The following MMP17 variants were observed in gnomAD, a reference collection of about 807,000 sequenced individuals.
MMP17 encodes matrix metallopeptidase 17, also known as matrix metalloproteinase-17.
A neutral mutation model predicts 49.1 loss-of-function variants in MMP17; 54 were observed. The observed-to-expected ratio is 1.10, with a 90% CI of 0.88 to 1.38. The LOEUF is 1.38. MMP17 is among the 40% of genes most tolerant of loss of function. MMP17 has a pLI of 0.00. For synonymous variants in MMP17, 397 were observed against 383.1 expected (o/e 1.04, Z -0.42); for missense variants, 837 against 853.7 (o/e 0.98, Z 0.24).
At position 131,838,203 on chromosome 12, in the gene MMP17, A is replaced by T. The variant is rs114611549; in HGVS notation, c.168A>T (p.Leu56=). 150 of 1,612,764 alleles carry T rather than the reference A, an allele frequency of 9.3e-5. No individual in the cohort carries two copies. In the African/African-American group the frequency reaches 1.8e-3, roughly 19 times the overall value. The change falls in exon 2 of 10, where the codon CTA becomes CTT. Residue 56 remains leucine, a synonymous_variant. Coordinates refer to ENST00000360564, the MANE Select transcript of MMP17 (RefSeq NM_016155.7). ...AEDLSLGVEW[L]SRFGYLPPAD... is the part of the protein sequence containing the mutation. ...CTGCTCTCTGCCCTCAGGAGTGGCT[A>T]AGCAGGTTCGGTTACCTGCCCCCGG...
At chr12:131,834,855 C>T (rs942380499) in intron 1 of MMP17, among the ~76,000 whole-genome samples, 3 of 152,178 alleles carry the variant, frequency 2.0e-5, no homozygotes, top group African/African-American at 7.2e-5. Flanking sequence ...CCTGAGCTGC[C>T]TGGTGAGCTG....
intron 1 of MMP17, among the ~76,000 whole-genome samples, chr12:131,831,324 C>T (rs1886782678): frequency 6.6e-6 from 1 of 152,154 alleles, no homozygotes; most frequent in African/African-American, 2.4e-5. Context: ...ACAGTGGCAG[C>T]TCCCTTGATC....
rs1207201332 is a variant in MMP17, at chr12:131,851,182, C to T, written c.1720C>T (p.Pro574Ser). Residue 574 changes from proline to serine, a missense_variant, in exon 10 of 10, where the codon CCA becomes TCA. Transcript: ENST00000360564. ...TSGASSPPGA[P>S]GPLVAATMLL... ...TGGGGCATCCTCTCCCCCGGGGGCC[C>T]CAGGCCCACTGGTGGCTGCCACCAT... The T allele has an allele frequency of 2.7e-6, 4 of 1,470,868 alleles. No homozygotes were observed. The highest frequency in any genetic ancestry group is 3.6e-6 in the Non-Finnish European group (4 of 1,108,438). 91.1% of individuals were successfully genotyped at this position (1,470,868 alleles called of 1,614,324 possible). A position where few individuals can be genotyped will look rare whatever the true frequency, so the allele number is the denominator to read the frequency against.
Position 131,849,783 on chromosome 12 carries a change from C to T in MMP17, c.1205-19C>T. 1.2e-6 allele frequency: 2 copies of T among 1,602,056 alleles called. No individual in the cohort carries two copies. Among genetic ancestry groups the T allele is most frequent in the Non-Finnish European group, 1.7e-6 (2 of 1,171,832 alleles). ...GGTGGGGCCGAGCCCCGGCCCACAG[C>T]TGTTTCTCTCGCCCCCAGGAGACAG... On this transcript the variant is annotated intron_variant, in intron 8 of 9. Transcript: ENST00000360564.
intron 9 of MMP17, among the ~76,000 whole-genome samples, chr12:131,850,340 T>C (rs1887911714): frequency 6.6e-6 from 1 of 152,132 alleles, no homozygotes; most frequent in African/African-American, 2.4e-5. Context: ...GCCTTGGCAC[T>C]GGCCATGCCT....
chr12:131,839,846 G>A (rs1354440930), intron 3 of MMP17, among the ~76,000 whole-genome samples: 3 of 142,836 alleles, frequency 2.1e-5, no homozygotes, highest in African/African-American at 5.2e-5. Context: ...TATTCGGGAG[G>A]CTGAGGCAGG....
chr12:131,849,746 C>T, intron 8 of MMP17, 56 bp from the exon 9 acceptor site: 2 of 1,559,038 alleles, frequency 1.3e-6, no homozygotes. Context: ...GCAGGAGCCT[C>T]CTGCCCTTCG....
At chr12:131,830,422 C>T (rs968222704) in intron 1 of MMP17, among the ~76,000 whole-genome samples, 1 of 152,234 alleles carries the variant, frequency 6.6e-6, no homozygotes, top group Non-Finnish European at 1.5e-5. Flanking sequence ...CAGCCCCCTG[C>T]CTGGAGCCCC....
Position 131,841,505 on chromosome 12 carries a change from G to A in MMP17, c.707-119G>A, listed in dbSNP as rs144689556. 343 of 1,045,522 alleles carry A rather than the reference G, an allele frequency of 3.3e-4. 2 individuals carry two copies. Among genetic ancestry groups the A allele is most frequent in the South Asian group, 2.4e-3 (165 of 70,076 alleles). The allele number at this position is 1,045,522 out of a possible 1,614,324, so 64.8% of individuals were successfully genotyped here. On this transcript the variant is annotated intron_variant, in intron 4 of 9. Transcript: ENST00000360564. Reference sequence around the variant, plus strand: ...AGTAACCCTGCAGAATCCCTCTGGCGCAGCCGGCATCGAGGCATCCCCATG... The same window carrying A: ...AGTAACCCTGCAGAATCCCTCTGGCACAGCCGGCATCGAGGCATCCCCATG...
chr12:131,846,097 G>T lies in MMP17; in HGVS notation c.1204+648G>T, dbSNP rs1391527715. Among the ~76,000 whole-genome samples the T allele has an allele frequency of 1.3e-5, 2 of 152,204 alleles. No individual in the cohort carries two copies. The highest frequency in any genetic ancestry group is 4.8e-5 in the African/African-American group (2 of 41,460). ...GGAGACAGTAGCAGGGGCAGGTGGG[G>T]GTGGCAGGGCTGCAGGACAGAGACC... On this transcript the variant is annotated intron_variant, in intron 8 of 9. Transcript: ENST00000360564. The surrounding 1 kb of genome is among the most constrained non-coding windows in gnomAD (Gnocchi z 4.6).
In MMP17 at chr12:131,834,546, G is replaced by A. The variant is rs902259425; in HGVS notation, c.160-3649G>A. 2.0e-5 allele frequency among the ~76,000 whole-genome samples: 3 copies of A among 152,196 alleles called. No homozygotes were observed. The South Asian group carries it at 6.2e-4, about 32-fold the overall frequency. On this transcript the variant is annotated intron_variant, in intron 1 of 9. Transcript: ENST00000360564. ...GGGGGCAGGGAGGGGGACACCTGGA[G>A]CGGGGAGTCTGGGCCCCCACCCCAG...
At position 131,838,617 on chromosome 12, in the gene MMP17, G is replaced by A; in HGVS notation, c.298G>A (p.Ala100Thr). The change falls in exon 3 of 10, where the codon GCC becomes ACC. Residue 100 changes from alanine to threonine, a missense_variant. By Grantham distance (58) the Ala-to-Thr change is moderately conservative (BLOSUM62 0). Coordinates refer to ENST00000360564, the MANE Select transcript of MMP17 (RefSeq NM_016155.7). ...GLEATGILDEATLALMKTPRC... is the reference protein window; with the variant it reads ...GLEATGILDETTLALMKTPRC... The stretch of plus-strand genomic sequence containing the variant: ...GCTCCATGCTTTCCCTGCAGACGAG[G>A]CCACCCTGGCCCTGATGAAAACCCC... The A allele has an allele frequency of 6.2e-7, 1 of 1,609,856 alleles. No individual in the cohort carries two copies. Among genetic ancestry groups the A allele is most frequent in the Non-Finnish European group, 8.5e-7 (1 of 1,178,820 alleles).
chr12:131,844,651 G>A (rs185941047), intron 6 of MMP17: 35 of 222,186 alleles, frequency 1.6e-4, no homozygotes, highest in Admixed American at 1.2e-3. Context: ...TAACCCTCCC[G>A]GTTAAAGCTG....
Position 131,841,635 on chromosome 12 carries a change from A to T in MMP17, c.718A>T (p.Met240Leu). The T allele has an allele frequency of 6.2e-7, 1 of 1,613,926 alleles. No individual in the cohort carries two copies. The highest frequency in any genetic ancestry group is 8.5e-7 in the Non-Finnish European group (1 of 1,179,984). The change falls in exon 5 of 10, where the codon ATG (methionine) becomes TTG (leucine). Residue 240 changes from methionine (M) to leucine (L), a missense_variant. Coordinates refer to ENST00000360564, the MANE Select transcript of MMP17 (RefSeq NM_016155.7). The stretch of plus-strand genomic sequence containing the variant: ...CCCTGTGTCCCCAGATGCCCACGGG[A>T]TGGACCTGTTTGCAGTGGCTGTCCA... ...WTFRSSDAHG[M>L]DLFAVAVHEF...
chr12:131,840,998 T>A, intron 4 of MMP17, 142 bp downstream of exon 4: 1 of 1,100,384 alleles, frequency 9.1e-7, no homozygotes, highest in Non-Finnish European at 1.3e-6. Flanking sequence ...CATTTCCCAC[T>A]AGGCCGATCT....
rs1050766227 is a variant in MMP17 at position 131,828,419 on chromosome 12, G to C, written c.-76G>C. The stretch of plus-strand genomic sequence containing the variant: ...GTCCGGCGGGGGCGCCGCGGAGAGC[G>C]GAGGGCGCCGGGCTGCGGAACGCGA... On this transcript the variant is annotated 5_prime_UTR_variant, in exon 1 of 10. Transcript: ENST00000360564. The C allele has an allele frequency of 2.6e-5, 22 of 854,724 alleles. No individual in the cohort carries two copies. The African/African-American group carries it at 3.1e-4, about 12-fold the overall frequency. The allele number at this position is 854,724 out of a possible 1,614,324, so 52.9% of individuals were successfully genotyped here.
rs576013148 is a variant in MMP17, at chr12:131,844,026, C to A, written c.913C>A (p.Gln305Lys). The change falls in exon 6 of 10, where the codon CAG (glutamine) becomes AAG (lysine). Residue 305 changes from glutamine to lysine, a missense_variant. By Grantham distance (53) the Gln-to-Lys change is moderately conservative. Transcript: ENST00000360564. ...GCGGGAGTCTGTGTCTCCCACGGCG[C>A]AGCCCGAGGAGCCTCCCCTGCTGCC... ...GVRESVSPTA[Q>K]PEEPPLLPEP... 3 of 1,569,424 alleles carry A rather than the reference C, an allele frequency of 1.9e-6. No individual in the cohort carries two copies. The Admixed American group carries it at 5.5e-5, about 29-fold the overall frequency.
At chr12:131,848,118 C>T (rs2136342073) in intron 8 of MMP17, among the ~76,000 whole-genome samples, 1 of 152,262 alleles carries the variant, frequency 6.6e-6, no homozygotes, top group African/African-American at 2.4e-5. Flanking sequence ...CAGAGTCTCA[C>T]TCTATCACCC....
chr12:131,836,296 C>T (rs915874524), intron 1 of MMP17, among the ~76,000 whole-genome samples: 4 of 152,114 alleles, frequency 2.6e-5, no homozygotes, highest in African/African-American at 9.7e-5. Context: ...CTGGCCAGCA[C>T]GGCCTGTTGC....
Sources: allele counts gnomAD v4.1 joint callset (sites outside exome capture counted in the v4.1 genomes callset), GRCh38; gene constraint gnomAD v4.1.1; non-coding constraint Gnocchi (gnomAD v3.1); transcripts MANE v1.5; gene names NCBI Gene and HGNC (gene_info 2026-07-23, HGNC 2026-07-21).